Variants in TFAP2D observed in about 807,000 individuals in gnomAD.
TFAP2D encodes the protein transcription factor AP-2 delta, also known as transcription factor AP-2-delta.
Under a neutral mutation model 43.6 loss-of-function variants are expected in TFAP2D, and 9 were observed. That is an observed-to-expected ratio of 0.21 (90% CI 0.12 to 0.36). TFAP2D has a LOEUF of 0.36. Among genes scored for constraint, TFAP2D ranks in the 10% least tolerant of loss-of-function variants. TFAP2D has a pLI of 1.00. For synonymous variants in TFAP2D, 256 were observed against 224.9 expected (o/e 1.14, Z -1.24); for missense variants, 513 against 561.4 (o/e 0.91, Z 0.87).
intron 7 of TFAP2D, among the ~76,000 whole-genome samples, chr6:50,763,548 AT>A (rs1333330800): frequency 6.6e-6 from 1 of 152,202 alleles, no homozygotes; most frequent in Non-Finnish European, 1.5e-5. Flanking sequence ...TTTATTACAT[AT>A]CTTACTAAAT....
At chr6:50,744,917 T>A (rs922688323) in intron 5 of TFAP2D, among the ~76,000 whole-genome samples, 190 bp from the exon 6 acceptor site, 2 of 152,128 alleles carry the variant, frequency 1.3e-5, no homozygotes, top group East Asian at 3.9e-4. Flanking sequence ...TCTCTGTTCC[T>A]CAATTTCCCC....
Position 50,728,863 on chromosome 6 carries a change from C to T in TFAP2D, c.606C>T (p.Thr202=). ...TACTTTTTTTCTCCCAAGGTGGCAC[C>T]TGTGTGGTCAACCCCACAGACTTAT... ...GQGGVIRRGG[T]CVVNPTDLFC... is the part of the protein sequence containing the mutation. Residue 202 remains threonine, a synonymous_variant, in exon 4 of 8, where the codon ACC becomes ACT. Coordinates refer to ENST00000008391, the MANE Select transcript of TFAP2D (RefSeq NM_172238.4). 6.2e-7 allele frequency: 1 copy of T among 1,613,822 alleles called. No homozygotes were observed.
intron 7 of TFAP2D, among the ~76,000 whole-genome samples, chr6:50,766,442 T>C (rs907682849): frequency 2.0e-5 from 3 of 152,066 alleles, no homozygotes; most frequent in African/African-American, 7.2e-5. Flanking sequence ...ATCCATAGAT[T>C]GGTTTTAGTA....
chr6:50,718,487 G>GCAAACTCTTT (rs1358582630), intron 2 of TFAP2D, among the ~76,000 whole-genome samples: 8 of 152,116 alleles, frequency 5.3e-5, no homozygotes, highest in Non-Finnish European at 8.8e-5. Flanking sequence ...TCAAAAATCA[G>GCAAACTCTTT]CAAACTCTTT....
intron 2 of TFAP2D, among the ~76,000 whole-genome samples, 187 bp from the exon 3 acceptor site, chr6:50,718,903 G>C (rs1697935908): frequency 6.6e-6 from 1 of 152,184 alleles, no homozygotes; most frequent in Non-Finnish European, 1.5e-5. Context: ...ACAACTTTTA[G>C]ATTGTGGTTT....
chr6:50,745,112 G>A lies in TFAP2D; in HGVS notation c.889G>A (p.Ala297Thr), dbSNP rs757036775. The A allele has an allele frequency of 4.3e-6, 7 of 1,613,446 alleles. No individual in the cohort carries two copies. Among genetic ancestry groups the A allele is most frequent in the Non-Finnish European group, 5.9e-6 (7 of 1,179,734 alleles). Residue 297 changes from alanine to threonine, a missense_variant, in exon 6 of 8, where the codon GCT becomes ACT. Physicochemically the swap from Ala to Thr is moderately conservative, Grantham distance 58. This residue lies in a region of TFAP2D where 199 missense variants were observed against 227.9 expected (regional missense o/e 0.87). Coordinates refer to ENST00000008391, the MANE Select transcript of TFAP2D (RefSeq NM_172238.4). ...CTTGTGTTATCTGCCAACAGGGGAG[G>A]CTTTGCACTTGGCTCGGGATTTTGG... ...TLLTSLVEGE[A>T]LHLARDFGYT...
chr6:50,757,675 A>C (rs1159105159), intron 7 of TFAP2D, among the ~76,000 whole-genome samples: 2 of 79,060 alleles, frequency 2.5e-5, no homozygotes, highest in South Asian at 7.8e-4. Flanking sequence ...TAATTATTCT[A>C]TATATATAGA....
intron 3 of TFAP2D, among the ~76,000 whole-genome samples, chr6:50,722,037 G>T (rs1327836993): frequency 6.6e-6 from 1 of 152,184 alleles, no homozygotes; most frequent in African/African-American, 2.4e-5. Context: ...ACAAAATAGC[G>T]TCGCCCTGAC....
At chr6:50,723,079 G>C (rs991994733) in intron 3 of TFAP2D, among the ~76,000 whole-genome samples, 4 of 152,212 alleles carry the variant, frequency 2.6e-5, no homozygotes, top group African/African-American at 9.6e-5. Flanking sequence ...AACTCTGCAC[G>C]TTTTAAGAGA....
At chr6:50,762,242 A>G (rs574617217) in intron 7 of TFAP2D, among the ~76,000 whole-genome samples, 4 of 152,196 alleles carry the variant, frequency 2.6e-5, no homozygotes, top group African/African-American at 9.6e-5. Context: ...AATGGTTGCA[A>G]TACATTTCCA....
At chr6:50,735,699 C>G (rs1768952616) in intron 5 of TFAP2D, among the ~76,000 whole-genome samples, 4 of 152,146 alleles carry the variant, frequency 2.6e-5, no homozygotes, top group Admixed American at 2.6e-4. Flanking sequence ...AGAAAGAAAT[C>G]CTACCACTTG....
chr6:50,714,206 GGACC>G, intron 1 of TFAP2D, 112 bp downstream of exon 1: 2 of 1,106,370 alleles, frequency 1.8e-6, no homozygotes. Context: ...AATCTATATT[GGACC>G]GTTACGTTTA....
Position 50,713,897 on chromosome 6 carries a change from C to T in TFAP2D, c.-159C>T. On this transcript the variant is annotated 5_prime_UTR_variant, in exon 1 of 8. Transcript: ENST00000008391. ...TTTTAAGTGGGTACGAGGCAAGGAGCTATCTGATCCGGGCAAAACCATTAC... is the reference window on the plus strand; with the variant it reads ...TTTTAAGTGGGTACGAGGCAAGGAGTTATCTGATCCGGGCAAAACCATTAC... The T allele has an allele frequency of 1.8e-6, 2 of 1,101,340 alleles. No homozygotes were observed. The highest frequency in any genetic ancestry group is 1.3e-6 in the Non-Finnish European group (1 of 755,140). The allele number at this position is 1,101,340 out of a possible 1,614,324, so 68.2% of individuals were successfully genotyped here. A position where few individuals can be genotyped will look rare whatever the true frequency, so the allele number is the denominator to read the frequency against.
At chr6:50,740,771 GATTGA>G (rs2113880222) in intron 5 of TFAP2D, among the ~76,000 whole-genome samples, 1 of 152,256 alleles carries the variant, frequency 6.6e-6, no homozygotes, top group African/African-American at 2.4e-5. Flanking sequence ...CTGTATAACA[GATTGA>G]AAGTCAGGTA....
At chr6:50,749,383 A>G (rs1769168407) in intron 6 of TFAP2D, among the ~76,000 whole-genome samples, 1 of 151,834 alleles carries the variant, frequency 6.6e-6, no homozygotes. Context: ...TGCCACAATA[A>G]CTAATGTTTC....
chr6:50,750,595 G>A (rs1264109689), intron 6 of TFAP2D, among the ~76,000 whole-genome samples: 1 of 151,816 alleles, frequency 6.6e-6, no homozygotes. Context: ...ACCATTTAAA[G>A]CAAAGAAATG....
chr6:50,751,844 G>C (rs1475984731), intron 7 of TFAP2D, among the ~76,000 whole-genome samples: 2 of 151,890 alleles, frequency 1.3e-5, no homozygotes, highest in Non-Finnish European at 2.9e-5. Flanking sequence ...AAATCAAATT[G>C]AGAGAATAAC....
intron 5 of TFAP2D, among the ~76,000 whole-genome samples, chr6:50,738,168 T>G (rs748503771): frequency 1.3e-5 from 2 of 152,140 alleles, no homozygotes; most frequent in Admixed American, 6.5e-5. Flanking sequence ...AGAATATTCT[T>G]GGACTTTTAT....
intron 3 of TFAP2D, among the ~76,000 whole-genome samples, chr6:50,726,127 G>A (rs1042677576): frequency 6.6e-6 from 1 of 152,146 alleles, no homozygotes; most frequent in Non-Finnish European, 1.5e-5. Flanking sequence ...GAGACTCTGG[G>A]CCCAGGGAGT....
Sources: gnomAD v4.1 joint callset for allele counts (sites outside exome capture counted in the v4.1 genomes callset) on GRCh38, gnomAD v4.1.1 for gene constraint, gnomAD v4.1.1 regional missense constraint, MANE v1.5 for transcripts, NCBI Gene and HGNC (gene_info 2026-07-23, HGNC 2026-07-21) for gene names.